AATF: variants seen among roughly 807,000 people sequenced by gnomAD.
The protein encoded by AATF is protein AATF.
AATF carries 48 observed loss-of-function variants against 63.7 expected under a neutral mutation model. The observed-to-expected ratio is 0.75, with a 90% CI of 0.60 to 0.96. The LOEUF is 0.96. Ranked by LOEUF, AATF falls within the 40% of genes least tolerant of loss-of-function variation. The pLI is 0.00. For missense variants in AATF, 639 were observed against 685.7 expected (o/e 0.93, Z 0.76); for synonymous variants, 258 against 247.7 (o/e 1.04, Z -0.39).
chr17:37,011,123 C>T (rs896457937), intron 8 of AATF, among the ~76,000 whole-genome samples: 12 of 152,200 alleles, frequency 7.9e-5, no homozygotes, highest in African/African-American at 2.7e-4. Context: ...GTAATCCCAG[C>T]ACTTCAGGAG....
chr17:37,051,914 A>G (rs1405513989), intron 11 of AATF, among the ~76,000 whole-genome samples: 3 of 152,268 alleles, frequency 2.0e-5, no homozygotes, highest in Non-Finnish European at 1.5e-5. Flanking sequence ...TAAAAGAAAT[A>G]AAAATGTTAG....
intron 11 of AATF, chr17:37,034,740 A>G (rs2071577274): frequency 6.6e-6 from 1 of 152,228 alleles, no homozygotes; most frequent in Non-Finnish European, 1.5e-5. Context: ...AGCAGATGAC[A>G]TATTTTTCTA....
intron 8 of AATF, among the ~76,000 whole-genome samples, chr17:36,993,715 A>G (rs943324678): frequency 3.3e-5 from 5 of 152,158 alleles, no homozygotes; most frequent in African/African-American, 1.2e-4. Context: ...CCCCTTTTTT[A>G]AAACCATACT....
chr17:36,990,798 A>G lies in AATF; in HGVS notation c.1339A>G (p.Asn447Asp). The G allele has an allele frequency of 1.3e-6, 2 of 1,594,426 alleles. No homozygotes were observed. Among genetic ancestry groups the G allele is most frequent in the East Asian group, 2.3e-5 (1 of 43,428 alleles). ...EPEILPQAPA[N>D]AHLKDLDEEI... is the part of the protein sequence containing the mutation. ...GGAGATCCTTCCTCAAGCCCCTGCT[A>G]ATGCTCATCTGAAGGACTTGGATGA... Residue 447 changes from asparagine (N) to aspartate (D), a missense_variant, in exon 8 of 12, where the codon AAT becomes GAT. Transcript: ENST00000619387.
At chr17:37,012,360 G>A (rs1045378784) in intron 8 of AATF, among the ~76,000 whole-genome samples, 1 of 152,058 alleles carries the variant, frequency 6.6e-6, no homozygotes, top group South Asian at 2.1e-4. Context: ...GCCCTTTTGG[G>A]GATAATTTGA....
chr17:36,973,305 C>A (rs572711137), intron 4 of AATF, among the ~76,000 whole-genome samples: 1 of 152,090 alleles, frequency 6.6e-6, no homozygotes. Context: ...TTTTAAAGGA[C>A]TGTGTACAAC....
chr17:36,950,132 G>A, intron 1 of AATF, 82 bp from the exon 2 acceptor site: 1 of 1,464,188 alleles, frequency 6.8e-7, no homozygotes, highest in Non-Finnish European at 9.3e-7. Flanking sequence ...GTTCAACTAT[G>A]AGATAAATGG....
At chr17:37,036,444 C>T (rs2071593011) in intron 11 of AATF, among the ~76,000 whole-genome samples, 1 of 151,964 alleles carries the variant, frequency 6.6e-6, no homozygotes, top group African/African-American at 2.4e-5. Context: ...GGTGGTATAT[C>T]CTGGTGGAGA....
chr17:36,985,512 G>A (rs2071161816), intron 4 of AATF, among the ~76,000 whole-genome samples: 1 of 148,840 alleles, frequency 6.7e-6, no homozygotes, highest in African/African-American at 2.5e-5. Flanking sequence ...TGAAACTCCT[G>A]GACTCAAGCA....
rs766869995 is a variant in AATF at position 36,990,826 on chromosome 17, A to T, written c.1367A>T (p.Glu456Val). The change falls in exon 8 of 12, where the codon GAA (glutamate) becomes GTA (valine). Residue 456 changes from glutamate to valine, a missense_variant. Coordinates refer to ENST00000619387, the MANE Select transcript of AATF (RefSeq NM_012138.4). The stretch of plus-strand genomic sequence containing the variant: ...GCTCATCTGAAGGACTTGGATGAAG[A>T]AATCTTTGATGATGATGACTTTTAC... Reference protein sequence around the residue: ...ANAHLKDLDEEIFDDDDFYHQ... With the variant: ...ANAHLKDLDEVIFDDDDFYHQ... The T allele has an allele frequency of 6.3e-7, 1 of 1,594,490 alleles. No homozygotes were observed. Among genetic ancestry groups the T allele is most frequent in the Non-Finnish European group, 8.5e-7 (1 of 1,173,478 alleles).
At chr17:37,052,583 C>T (rs2142331235) in intron 11 of AATF, 1 of 152,340 alleles carries the variant, frequency 6.6e-6, no homozygotes, top group Admixed American at 6.5e-5. Flanking sequence ...AGAGACTTTC[C>T]AAGGGGAAGG....
intron 4 of AATF, among the ~76,000 whole-genome samples, chr17:36,984,048 A>T (rs2071148274): frequency 6.6e-6 from 1 of 152,258 alleles, no homozygotes; most frequent in Non-Finnish European, 1.5e-5. Flanking sequence ...GATATAAACT[A>T]GTGAGAAGTC....
intron 10 of AATF, among the ~76,000 whole-genome samples, chr17:37,023,929 A>T (rs1002048273): frequency 2.0e-5 from 3 of 152,164 alleles, no homozygotes; most frequent in East Asian, 3.9e-4. Context: ...ACCTACACAC[A>T]TCCTCCCTAT....
At chr17:36,996,071 T>C (rs1312769675) in intron 8 of AATF, among the ~76,000 whole-genome samples, 1 of 152,224 alleles carries the variant, frequency 6.6e-6, no homozygotes, top group Non-Finnish European at 1.5e-5. Context: ...TCTTAAAAGT[T>C]TGATGAAACT....
intron 8 of AATF, among the ~76,000 whole-genome samples, chr17:36,991,710 C>G (rs1418448001): frequency 1.3e-5 from 2 of 152,034 alleles, no homozygotes; most frequent in South Asian, 4.2e-4. Context: ...CTCAGCCTCC[C>G]GAGTAGCTGG....
At chr17:37,030,055 A>G (rs78708353) in intron 10 of AATF, among the ~76,000 whole-genome samples, 1,688 of 151,080 alleles carry the variant, frequency 0.011, 33 homozygotes, top group African/African-American at 0.039. Flanking sequence ...TGTATTTTAT[A>G]CCTTTTGTAT....
intron 8 of AATF, among the ~76,000 whole-genome samples, chr17:36,993,570 C>CA (rs1293373870): frequency 6.6e-6 from 1 of 152,144 alleles, no homozygotes; most frequent in East Asian, 1.9e-4. Context: ...CTTTATTTGT[C>CA]AGAGTAGTAA....
chr17:36,996,707 C>G (rs1011257033), intron 8 of AATF, among the ~76,000 whole-genome samples: 2 of 152,140 alleles, frequency 1.3e-5, no homozygotes, highest in Non-Finnish European at 2.9e-5. Context: ...TCAATATTAG[C>G]ATTTGGTTGC....
chr17:37,023,616 T>A (rs2071489601), intron 10 of AATF, among the ~76,000 whole-genome samples: 1 of 142,248 alleles, frequency 7.0e-6, no homozygotes, highest in South Asian at 2.4e-4. Flanking sequence ...GAGGCATTCT[T>A]TTTAAACAGA....
Sources: allele counts gnomAD v4.1 joint callset (sites outside exome capture counted in the v4.1 genomes callset), GRCh38; gene constraint gnomAD v4.1.1; transcripts MANE v1.5; gene names NCBI Gene and HGNC (gene_info 2026-07-23, HGNC 2026-07-21).